The following SLC44A2 variants were observed in gnomAD, a reference collection of about 807,000 sequenced individuals.
SLC44A2 encodes the protein solute carrier family 44 member 2 (CTL2 blood group), also known as choline transporter-like protein 2.
Under a neutral mutation model 90.8 loss-of-function variants are expected in SLC44A2, and 57 were observed. That is an observed-to-expected ratio of 0.63 (90% confidence interval 0.51 to 0.78). The LOEUF (loss-of-function observed/expected upper bound fraction) is 0.78, where lower values mean the gene tolerates loss of function less well. SLC44A2 is among the 30% of genes least tolerant of loss of function. The pLI is 0.00. For missense variants in SLC44A2, 794 were observed against 919.7 expected (o/e 0.86, Z 1.77); for synonymous variants, 355 against 360.7 (o/e 0.98, Z 0.18).
intron 1 of SLC44A2, among the ~76,000 whole-genome samples, chr19:10,618,263 C>T (rs1286938266): frequency 6.6e-6 from 1 of 151,462 alleles, no homozygotes; most frequent in East Asian, 1.9e-4. Flanking sequence ...CAAGCTCCAC[C>T]TCCCGGGTTC....
At chr19:10,636,959 T>G (rs971288767) in intron 16 of SLC44A2, 1 of 582,384 alleles carries the variant, frequency 1.7e-6, no homozygotes, top group African/African-American at 1.9e-5. Context: ...CTGGGTGGAA[T>G]TCTTGCTGTT....
intron 1 of SLC44A2, among the ~76,000 whole-genome samples, chr19:10,619,615 G>A (rs1179142357): frequency 6.6e-6 from 1 of 151,920 alleles, no homozygotes; most frequent in East Asian, 1.9e-4. Context: ...TGGGATTACA[G>A]GCGTCAGCCA....
intron 2 of SLC44A2, 78 bp downstream of exon 2, chr19:10,626,379 G>T: frequency 9.3e-7 from 1 of 1,075,446 alleles, no homozygotes; most frequent in Non-Finnish European, 1.4e-6. Context: ...CCTCCCATCT[G>T]TTCTCCAACA....
intron 2 of SLC44A2, among the ~76,000 whole-genome samples, chr19:10,626,673 T>C (rs2066937893): frequency 1.3e-5 from 2 of 151,866 alleles, no homozygotes; most frequent in South Asian, 4.1e-4. Flanking sequence ...CCACCTGCCT[T>C]GGCCTCCCAA....
At chr19:10,603,073 G>T (rs1918007388) in intron 1 of SLC44A2, among the ~76,000 whole-genome samples, 1 of 152,150 alleles carries the variant, frequency 6.6e-6, no homozygotes, top group South Asian at 2.1e-4. Flanking sequence ...CCTGGAAACG[G>T]CGGAAAGAAG....
intron 20 of SLC44A2, 81 bp from the exon 21 acceptor site, chr19:10,642,286 C>A: frequency 8.5e-7 from 1 of 1,180,018 alleles, no homozygotes; most frequent in Non-Finnish European, 1.3e-6. Flanking sequence ...AGGATGTGGT[C>A]CCAGCATAGG....
chr19:10,618,818 C>T (rs2066876720), intron 1 of SLC44A2, among the ~76,000 whole-genome samples: 1 of 151,982 alleles, frequency 6.6e-6, no homozygotes, highest in South Asian at 2.1e-4. Context: ...AGGCAATCCG[C>T]CTGCTTCAGC....
chr19:10,631,390 G>A lies in SLC44A2; in HGVS notation c.441+5G>A, dbSNP rs1756646596. ...CCTGGCTTCAAGAACAATAAAGTGA[G>A]TTGTAGACTGTCCTGAGAGCACAGG... On this transcript the variant is annotated splice_donor_5th_base_variant and intron_variant, in intron 6 of 21. Coordinates refer to ENST00000335757, the MANE Select transcript of SLC44A2 (RefSeq NM_020428.4). The A allele has an allele frequency of 1.9e-6, 3 of 1,614,040 alleles. No homozygotes were observed. The highest frequency in any genetic ancestry group is 2.2e-5 in the South Asian group (2 of 91,088).
At chr19:10,636,861 G>A (rs756271800) in intron 16 of SLC44A2, 105 bp downstream of exon 16, 89 of 1,156,948 alleles carry the variant, frequency 7.7e-5, no homozygotes, top group Non-Finnish European at 1.0e-4. Context: ...AGATAATAGA[G>A]CAGTGATGGG....
chr19:10,631,268 C>T lies in SLC44A2; in HGVS notation c.331-7C>T, dbSNP rs778265772. ...CTCCACCCAATCCCTTCCTTCTCCCCTCCCAGATCTGCGTGGAAAAATGCC... is the reference window on the plus strand; with the variant it reads ...CTCCACCCAATCCCTTCCTTCTCCCTTCCCAGATCTGCGTGGAAAAATGCC... On this transcript the variant is annotated splice_polypyrimidine_tract_variant and splice_region_variant and intron_variant, in intron 5 of 21. Transcript: ENST00000335757. 6.2e-6 allele frequency: 10 copies of T among 1,613,998 alleles called. No individual in the cohort carries two copies. The East Asian group carries it at 1.6e-4, about 25-fold the overall frequency.
In SLC44A2 at chr19:10,643,414, G is replaced by A; in HGVS notation, c.*29G>A. On this transcript the variant is annotated 3_prime_UTR_variant, in exon 22 of 22. Transcript: ENST00000335757. ...CCCCGTGCTCCCCACCTCTCAAGGA[G>A]TCTCATGCCGCAGGGTGCTCAGTAG... is the stretch of plus-strand genomic sequence containing the variant. 3 of 1,590,592 alleles carry A rather than the reference G, an allele frequency of 1.9e-6. No individual in the cohort carries two copies. Among genetic ancestry groups the A allele is most frequent in the Non-Finnish European group, 2.6e-6 (3 of 1,166,532 alleles).
At chr19:10,606,885 G>GTATA (rs1555756093) in intron 1 of SLC44A2, among the ~76,000 whole-genome samples, 1 of 148,952 alleles carries the variant, frequency 6.7e-6, no homozygotes, top group African/African-American at 2.4e-5. Context: ...ATGTATGTAT[G>GTATA]TATGAAAAGG....
At chr19:10,637,582 G>A (rs1212619287) in intron 16 of SLC44A2, 62 bp from the exon 17 acceptor site, 24 of 1,420,086 alleles carry the variant, frequency 1.7e-5, no homozygotes, top group Non-Finnish European at 2.4e-5. Flanking sequence ...TAGGGAAGAG[G>A]GGATCCCTTC....
intron 20 of SLC44A2, among the ~76,000 whole-genome samples, chr19:10,639,896 G>A (rs2067097337): frequency 1.3e-5 from 2 of 151,850 alleles, no homozygotes; most frequent in Admixed American, 6.6e-5. Context: ...AAAAAAAGTG[G>A]AGATACGGCC....
At chr19:10,637,417 A>C in intron 16 of SLC44A2, 1 of 540,640 alleles carries the variant, frequency 1.8e-6, no homozygotes, top group Non-Finnish European at 3.3e-6. Flanking sequence ...GATTGATGGT[A>C]CTTTGTTTTA....
rs1371695918 is a variant in SLC44A2, at chr19:10,626,262, A to T, written c.47A>T (p.Gln16Leu). Residue 16 changes from glutamine to leucine, a missense_variant, in exon 2 of 22, where the codon CAG becomes CTG. Gln to Leu is a moderately radical substitution (Grantham distance 113). Transcript: ENST00000335757. ...TCTTCTTGACTTTCAGGAACGCCACAGAAGTATGATCCCACTTTCAAAGGA... is the reference window on the plus strand; with the variant it reads ...TCTTCTTGACTTTCAGGAACGCCACTGAAGTATGATCCCACTTTCAAAGGA... ...PHYYGKHGTP[Q>L]KYDPTFKGPI... 2 of 1,613,612 alleles carry T rather than the reference A, an allele frequency of 1.2e-6. No homozygotes were observed. The highest frequency in any genetic ancestry group is 8.5e-7 in the Non-Finnish European group (1 of 1,179,508).
chr19:10,626,812 C>A (rs187315982), intron 2 of SLC44A2, among the ~76,000 whole-genome samples: 45 of 143,366 alleles, frequency 3.1e-4, no homozygotes, highest in Middle Eastern at 6.9e-3. Context: ...TGGAGTGGTG[C>A]AATCTCAGCT....
In SLC44A2 at chr19:10,638,284, C is replaced by A. The variant is rs746140603; in HGVS notation, c.1898C>A (p.Pro633Gln). 5 of 1,613,970 alleles carry A rather than the reference C, an allele frequency of 3.1e-6. No individual in the cohort carries two copies. The highest frequency in any genetic ancestry group is 4.2e-6 in the Non-Finnish European group (5 of 1,180,024). The change falls in exon 20 of 22, where the codon CCA (proline) becomes CAA (glutamine). Residue 633 changes from proline (P) to glutamine (Q), a missense_variant. Physicochemically the swap from Pro to Gln is moderately conservative, Grantham distance 76. Coordinates refer to ENST00000335757, the MANE Select transcript of SLC44A2 (RefSeq NM_020428.4). ...HRIRIVQDTA[P>Q]PLNYYWVPIL... ...ATCAGGATCGTGCAGGATACAGCACCACCCCTCAATTATTACTGGGTTCCT... is the reference window on the plus strand; with the variant it reads ...ATCAGGATCGTGCAGGATACAGCACAACCCCTCAATTATTACTGGGTTCCT...
At chr19:10,629,261 C>CTATTATTATTATTATCAT (rs1555760494) in intron 4 of SLC44A2, among the ~76,000 whole-genome samples, 4 of 144,364 alleles carry the variant, frequency 2.8e-5, no homozygotes, top group African/African-American at 1.0e-4. Flanking sequence ...AGTTTTTAAA[C>CTATTATTATTATTATCAT]TATTATTATT....
Sources: allele counts gnomAD v4.1 joint callset (sites outside exome capture counted in the v4.1 genomes callset), GRCh38; gene constraint gnomAD v4.1.1; transcripts MANE v1.5; gene names NCBI Gene and HGNC (gene_info 2026-07-23, HGNC 2026-07-21).